Variants in TCF12 observed in about 807,000 individuals in gnomAD.
TCF12 encodes DNA-binding protein HTF4.
Under a neutral mutation model 86.0 loss-of-function variants are expected in TCF12, and 45 were observed. The observed-to-expected ratio is 0.52, with a 90% CI of 0.41 to 0.67. TCF12 has a LOEUF of 0.67. TCF12 is among the 30% of genes least tolerant of loss of function. The pLI, the probability that TCF12 is intolerant of heterozygous loss-of-function variation, is 0.00. For synonymous variants in TCF12, 330 were observed against 299.6 expected, an observed-to-expected ratio of 1.10 and a Z score of -1.05; for missense variants, 881 against 859.9, an observed-to-expected ratio of 1.02 and a Z score of -0.31.
chr15:57,117,599 A>G (rs2091973434), intron 5 of TCF12, among the ~76,000 whole-genome samples: 1 of 152,216 alleles, frequency 6.6e-6, no homozygotes, highest in African/African-American at 2.4e-5. Flanking sequence ...AAATGCGGAT[A>G]GTAATTATAC....
At chr15:57,172,260 TAAAG>T (rs1285802562) in intron 6 of TCF12, among the ~76,000 whole-genome samples, 3 of 152,146 alleles carry the variant, frequency 2.0e-5, no homozygotes, top group Admixed American at 6.5e-5. Context: ...TTGATAGAAT[TAAAG>T]AGAGAGATAA....
At chr15:57,035,703 A>G (rs1337785404) in intron 3 of TCF12, among the ~76,000 whole-genome samples, 2 of 152,154 alleles carry the variant, frequency 1.3e-5, no homozygotes, top group African/African-American at 4.8e-5. Context: ...GGGGAAAAAA[A>G]CACCAAAAGC....
At chr15:57,099,527 A>G (rs1475112312) in intron 5 of TCF12, among the ~76,000 whole-genome samples, 2 of 152,192 alleles carry the variant, frequency 1.3e-5, no homozygotes, top group Admixed American at 6.5e-5. Flanking sequence ...ATTATTCACT[A>G]GGTCTTAGAG....
intron 4 of TCF12, among the ~76,000 whole-genome samples, chr15:57,064,538 T>C (rs1446500039): frequency 6.6e-6 from 1 of 152,122 alleles, no homozygotes. Context: ...CTCATGCCTG[T>C]AATCCCAGCA....
At chr15:57,081,559 T>C (rs1236103142) in intron 4 of TCF12, among the ~76,000 whole-genome samples, 2 of 152,132 alleles carry the variant, frequency 1.3e-5, no homozygotes, top group African/African-American at 4.8e-5. Flanking sequence ...TACTTTTTAG[T>C]TGGAGCCTCA....
chr15:57,179,217 G>C (rs1476580919), intron 6 of TCF12, among the ~76,000 whole-genome samples: 3 of 152,042 alleles, frequency 2.0e-5, no homozygotes, highest in African/African-American at 7.2e-5. Flanking sequence ...ACTGGGCACG[G>C]GACTCATGCC....
rs377455526 is a variant in TCF12 at position 57,208,111 on chromosome 15, G to T, written c.579+10286G>T. On this transcript the variant is annotated intron_variant, in intron 8 of 20. Transcript: ENST00000333725. ...TACAGTGGTGCGATCTTGGCTCACT[G>T]CAACTTCCACCTCCCGGGTTCAAGC... 5.3e-5 allele frequency among the ~76,000 whole-genome samples: 8 copies of T among 149,808 alleles called. No individual in the cohort carries two copies. The East Asian group carries it at 9.9e-4, about 18-fold the overall frequency.
intron 5 of TCF12, among the ~76,000 whole-genome samples, chr15:57,117,684 C>G (rs2151273212): frequency 6.6e-6 from 1 of 152,230 alleles, no homozygotes; most frequent in Middle Eastern, 3.4e-3. Flanking sequence ...ATTGATAGTA[C>G]TCTAGCATTT....
chr15:57,193,249 A>C (rs984076968), intron 7 of TCF12, among the ~76,000 whole-genome samples: 4 of 152,048 alleles, frequency 2.6e-5, no homozygotes, highest in Non-Finnish European at 5.9e-5. Context: ...TTGCTTCTGC[A>C]CTCCACTTTG....
intron 5 of TCF12, among the ~76,000 whole-genome samples, chr15:57,098,269 C>T (rs144167616): frequency 1.3e-5 from 2 of 152,144 alleles, no homozygotes; most frequent in Admixed American, 6.5e-5. Flanking sequence ...CAGTCCCTTT[C>T]CACTACGTTG....
intron 3 of TCF12, among the ~76,000 whole-genome samples, chr15:56,946,798 C>CCTTTTTTTT (rs2061018263): frequency 8.8e-6 from 1 of 113,544 alleles, no homozygotes. Context: ...TCTAAAGTAC[C>CCTTTTTTTT]TTTTTTTTTT....
intron 16 of TCF12, among the ~76,000 whole-genome samples, chr15:57,261,811 A>C (rs1262284496): frequency 7.1e-6 from 1 of 140,460 alleles, no homozygotes; most frequent in Non-Finnish European, 1.6e-5. Context: ...TTGTCAGCTC[A>C]TTTGCTTCTC....
chr15:56,952,983 C>CT (rs1162958327), intron 3 of TCF12, among the ~76,000 whole-genome samples: 1 of 151,708 alleles, frequency 6.6e-6, no homozygotes, highest in Non-Finnish European at 1.5e-5. Context: ...TAGTTGTAGG[C>CT]TTTTTTTTAT....
At chr15:57,239,515 C>CAAAAAAAAAAA (rs67591734) in intron 12 of TCF12, among the ~76,000 whole-genome samples, 2 of 107,158 alleles carry the variant, frequency 1.9e-5, no homozygotes, top group Admixed American at 1.1e-4. Flanking sequence ...GACTCCATCT[C>CAAAAAAAAAAA]AAAAAAAAAA....
intron 3 of TCF12, among the ~76,000 whole-genome samples, chr15:56,962,154 A>AT (rs1269606316): frequency 0.012 from 1,248 of 105,118 alleles, 14 homozygotes; most frequent in African/African-American, 0.03. Flanking sequence ...AAAAAAAAAA[A>AT]ATATGTTTAA....
chr15:56,932,485 T>G (rs370952960), intron 3 of TCF12, among the ~76,000 whole-genome samples: 1 of 152,154 alleles, frequency 6.6e-6, no homozygotes, highest in East Asian at 1.9e-4. Context: ...GAAGCCAAGG[T>G]GACAAGAAGA....
rs183247772 is a variant in TCF12, at chr15:56,963,683, C to T, written c.148+42585C>T. Among the ~76,000 whole-genome samples the T allele has an allele frequency of 1.4e-4, 22 of 152,286 alleles. No individual in the cohort carries two copies. In the East Asian group the frequency reaches 4.2e-3, roughly 29 times the overall value. On this transcript the variant is annotated intron_variant, in intron 3 of 20. Coordinates refer to ENST00000333725, the MANE Select transcript of TCF12 (RefSeq NM_207037.2). ...TATGAAAGGAGGTTCCTACCCACAA[C>T]CTTCTCTCACCCTTTTGGATGCACC...
intron 13 of TCF12, chr15:57,246,910 A>G (rs2059889714): frequency 4.1e-6 from 2 of 491,700 alleles, no homozygotes; most frequent in Non-Finnish European, 8.0e-6. Context: ...TTTCCTGACA[A>G]CTCCTCGTTC....
intron 8 of TCF12, among the ~76,000 whole-genome samples, chr15:57,204,175 C>T (rs1286697114): frequency 1.3e-5 from 2 of 152,160 alleles, no homozygotes; most frequent in Non-Finnish European, 2.9e-5. Flanking sequence ...CATAGTGGCT[C>T]ACGTAATCCC....
Sources: allele counts gnomAD v4.1 joint callset (sites outside exome capture counted in the v4.1 genomes callset), GRCh38; gene constraint gnomAD v4.1.1; transcripts MANE v1.5; gene names NCBI Gene and HGNC (gene_info 2026-07-23, HGNC 2026-07-21).